Variants in TAF11 observed in about 807,000 individuals in gnomAD.
TAF11 encodes the protein transcription initiation factor TFIID subunit 11.
Under a neutral mutation model 23.0 loss-of-function variants are expected in TAF11, and 10 were observed. The observed-to-expected ratio is 0.43, with a 90% confidence interval of 0.27 to 0.74. TAF11 has a LOEUF of 0.74. TAF11 is among the 30% of genes least tolerant of loss of function. The probability of loss-of-function intolerance (pLI) is 0.19; values close to 1 mark genes in which losing one functional copy is unlikely to be tolerated. For missense variants in TAF11, 196 were observed against 261.7 expected, an observed-to-expected ratio of 0.75 and a Z score of 1.73; for synonymous variants, 85 against 95.8, an observed-to-expected ratio of 0.89 and a Z score of 0.66.
At position 34,880,293 on chromosome 6, in the gene TAF11, T is replaced by C; in HGVS notation, c.404A>G (p.Lys135Arg). The change falls in exon 3 of 5, where the codon AAA (lysine) becomes AGA (arginine). Residue 135 changes from lysine to arginine, a missense_variant. Physicochemically the swap from Lys to Arg is conservative, Grantham distance 26. Coordinates refer to ENST00000361288, the MANE Select transcript of TAF11 (RefSeq NM_005643.4). This position sits in a 1 kb window ranked among gnomAD's most constrained non-coding sequence, Gnocchi z 4.8. Reference protein sequence around the residue: ...RRSAFPKAAIKRLIQSITGTS... With the variant: ...RRSAFPKAAIRRLIQSITGTS... Reference sequence around the variant, plus strand: ...AGTGTGGTGGTCCATCCTTACCCTTTTGATGGCTGCCTTAGGGAAAGCTGA... The same window carrying C: ...AGTGTGGTGGTCCATCCTTACCCTTCTGATGGCTGCCTTAGGGAAAGCTGA... 1.2e-6 allele frequency: 2 copies of C among 1,614,162 alleles called. No individual in the cohort carries two copies. The highest frequency in any genetic ancestry group is 2.2e-5 in the South Asian group (2 of 91,076).
At chr6:34,882,557 T>G (rs1343621327) in intron 2 of TAF11, among the ~76,000 whole-genome samples, 2 of 151,774 alleles carry the variant, frequency 1.3e-5, no homozygotes, top group Non-Finnish European at 2.9e-5. Flanking sequence ...GGCATGAGAA[T>G]CGTTTGAACT....
chr6:34,883,680 A>G (rs1766484676), intron 1 of TAF11, among the ~76,000 whole-genome samples: 1 of 152,118 alleles, frequency 6.6e-6, no homozygotes, highest in Admixed American at 6.5e-5. Flanking sequence ...TATTATTTAT[A>G]TCTCCCCCCC....
At chr6:34,884,031 A>C (rs931506295) in intron 1 of TAF11, among the ~76,000 whole-genome samples, 1 of 152,194 alleles carries the variant, frequency 6.6e-6, no homozygotes, top group African/African-American at 2.4e-5. Context: ...CTAAAGACAG[A>C]ATTACCATTT....
chr6:34,884,671 A>G (rs748474135), intron 1 of TAF11, among the ~76,000 whole-genome samples: 12 of 152,248 alleles, frequency 7.9e-5, no homozygotes, highest in Non-Finnish European at 1.6e-4. Context: ...TATACTACAA[A>G]ACTCATTAAT....
rs544544958 is a variant in TAF11 at position 34,886,718 on chromosome 6, G to C, written c.171+1069C>G. 1.9e-4 allele frequency among the ~76,000 whole-genome samples: 29 copies of C among 151,814 alleles called. No homozygotes were observed. The East Asian group carries it at 5.5e-3, about 29-fold the overall frequency. ...TGACATCAGGCGATCCACCCACCTC[G>C]GCCTCCCAAAGTGCTGGGATTACAG... On this transcript the variant is annotated intron_variant, in intron 1 of 4. Coordinates refer to ENST00000361288, the MANE Select transcript of TAF11 (RefSeq NM_005643.4).
At chr6:34,882,804 C>T (rs1766463636) in intron 2 of TAF11, 128 bp downstream of exon 2, 2 of 1,164,896 alleles carry the variant, frequency 1.7e-6, no homozygotes, top group African/African-American at 3.2e-5. Flanking sequence ...CATGCCCAGC[C>T]ATAATGTATT....
At chr6:34,885,314 CT>C (rs146863862) in intron 1 of TAF11, among the ~76,000 whole-genome samples, 11,762 of 152,034 alleles carry the variant, frequency 0.077, 649 homozygotes, top group East Asian at 0.33. Context: ...ATATATTTTT[CT>C]TTAAATAAAG....
In TAF11 at chr6:34,880,499, T is replaced by G. The variant is rs1156322222; in HGVS notation, c.321-123A>C. On this transcript the variant is annotated intron_variant, in intron 2 of 4. Coordinates refer to ENST00000361288, the MANE Select transcript of TAF11 (RefSeq NM_005643.4). The surrounding 1 kb of genome is among the most constrained non-coding windows in gnomAD (Gnocchi z 4.8). The stretch of plus-strand genomic sequence containing the variant: ...TTAAAGGGGTCAATGGCATTAGGCT[T>G]GGTGCCTTGAGGAATGAAGATAAAA... The G allele has an allele frequency of 1.3e-6, 1 of 792,738 alleles. No individual in the cohort carries two copies. The highest frequency in any genetic ancestry group is 2.0e-6 in the Non-Finnish European group (1 of 499,924). 49.1% of individuals were successfully genotyped at this position (792,738 alleles called of 1,614,324 possible).
intron 2 of TAF11, among the ~76,000 whole-genome samples, chr6:34,882,509 C>T (rs570345760): frequency 4.3e-4 from 64 of 147,864 alleles, no homozygotes; most frequent in African/African-American, 1.6e-3. Context: ...CTGGGCATGG[C>T]GGTGCATGCC....
In TAF11 at chr6:34,878,450, CAG is replaced by C. The variant is rs1341760496; in HGVS notation, c.*138_*139del. ...CATACTTTCTAGGTGTGACAAATATCAGAGTTTTGAGAAAGACATTAAAATCA... is the reference window on the plus strand; with the variant it reads ...CATACTTTCTAGGTGTGACAAATATCAGTTTTGAGAAAGACATTAAAATCA... On this transcript the variant is annotated 3_prime_UTR_variant, in exon 5 of 5. Transcript: ENST00000361288. 2 of 664,632 alleles carry C rather than the reference CAG, an allele frequency of 3.0e-6. No homozygotes were observed. The highest frequency in any genetic ancestry group is 2.5e-5 in the East Asian group (1 of 40,088). The allele number at this position is 664,632 out of a possible 1,614,324, so 41.2% of individuals were successfully genotyped here. A position where few individuals can be genotyped will look rare whatever the true frequency, so the allele number is the denominator to read the frequency against.
Position 34,878,418 on chromosome 6 carries a change from C to CA in TAF11, c.*171dup, listed in dbSNP as rs1766353046. ...AAATTTAGTCAAGGCAAGTATCAAT[C>CA]AGGCTACATACTTTCTAGGTGTGAC... is the stretch of plus-strand genomic sequence containing the variant. On this transcript the variant is annotated 3_prime_UTR_variant, in exon 5 of 5. Transcript: ENST00000361288. 1 of 586,978 alleles carries CA rather than the reference C, an allele frequency of 1.7e-6. No homozygotes were observed. The highest frequency in any genetic ancestry group is 1.8e-5 in the African/African-American group (1 of 54,086). 36.4% of individuals were successfully genotyped at this position (586,978 alleles called of 1,614,324 possible).
In TAF11 at chr6:34,878,368, C is replaced by G. The variant is rs544542860; in HGVS notation, c.*222G>C. ...TCCAACTGGTCAAGACAGTTAAATACTTCAAAATGCCCCAAGAGGTCCCAA... is the reference window on the plus strand; with the variant it reads ...TCCAACTGGTCAAGACAGTTAAATAGTTCAAAATGCCCCAAGAGGTCCCAA... On this transcript the variant is annotated 3_prime_UTR_variant, in exon 5 of 5. Coordinates refer to ENST00000361288, the MANE Select transcript of TAF11 (RefSeq NM_005643.4). 105 of 529,776 alleles carry G rather than the reference C, an allele frequency of 2.0e-4. 1 individual carries two copies. Among genetic ancestry groups the G allele is most frequent in the Non-Finnish European group, 1.2e-4 (35 of 295,696 alleles). The allele number at this position is 529,776 out of a possible 1,614,324, so 32.8% of individuals were successfully genotyped here.
chr6:34,885,861 C>A (rs1356427609), intron 1 of TAF11, among the ~76,000 whole-genome samples: 1 of 152,106 alleles, frequency 6.6e-6, no homozygotes, highest in Non-Finnish European at 1.5e-5. Context: ...GTGGCTCATG[C>A]CTATAATCCC....
At chr6:34,882,372 A>C (rs1366582058) in intron 2 of TAF11, among the ~76,000 whole-genome samples, 1 of 151,244 alleles carries the variant, frequency 6.6e-6, no homozygotes, top group African/African-American at 2.4e-5. Context: ...GGCCGGGCAC[A>C]GTGGCTCATG....
intron 1 of TAF11, 120 bp from the exon 2 acceptor site, chr6:34,883,200 C>T: frequency 1.0e-6 from 1 of 978,470 alleles, no homozygotes; most frequent in Non-Finnish European, 1.5e-6. Flanking sequence ...TTTTTCAGTT[C>T]TAGGCACTGA....
intron 1 of TAF11, among the ~76,000 whole-genome samples, chr6:34,884,440 G>GGTATATGGAAGGATGAAGC (rs1766496309): frequency 6.6e-6 from 1 of 152,116 alleles, no homozygotes; most frequent in Non-Finnish European, 1.5e-5. Flanking sequence ...AAGGATGAAG[G>GGTATATGGAAGGATGAAGC]GTGGCAGGAG....
chr6:34,885,635 T>G (rs1463843635), intron 1 of TAF11, among the ~76,000 whole-genome samples: 1 of 152,196 alleles, frequency 6.6e-6, no homozygotes, highest in African/African-American at 2.4e-5. Context: ...CTCTGTGTAC[T>G]AAGCTAATTA....
intron 4 of TAF11, chr6:34,879,300 T>C (rs560442510): frequency 1.2e-6 from 1 of 805,962 alleles, no homozygotes; most frequent in African/African-American, 1.9e-5. Context: ...AGAGGATCCT[T>C]TGAGCCCAGG....
chr6:34,879,256 G>T, intron 4 of TAF11: 1 of 341,576 alleles, frequency 2.9e-6, no homozygotes, highest in Non-Finnish European at 4.1e-6. Flanking sequence ...GGTAGTGCAC[G>T]CCTACAGTCC....
Sources: gnomAD v4.1 joint callset for allele counts (sites outside exome capture counted in the v4.1 genomes callset) on GRCh38, gnomAD v4.1.1 for gene constraint, Gnocchi (gnomAD v3.1) non-coding constraint, MANE v1.5 for transcripts, NCBI Gene and HGNC (gene_info 2026-07-23, HGNC 2026-07-21) for gene names.